Variants in ZNF804A observed in about 807,000 individuals in gnomAD.
ZNF804A encodes zinc finger protein 804A.
In ZNF804A, 2 loss-of-function variants were observed where a neutral mutation model predicts 16.5. The ratio of observed to expected loss-of-function variants is 0.12; its 90% CI spans 0.05 to 0.38. The LOEUF (loss-of-function observed/expected upper bound fraction) is 0.38, where lower values mean the gene tolerates loss of function less well. Among genes scored for constraint, ZNF804A ranks in the 10% least tolerant of loss-of-function variants. The pLI is 0.99. For missense variants in ZNF804A, 1,473 were observed against 1,390.7 expected (o/e 1.06, Z -0.94); for synonymous variants, 534 against 489.6 (o/e 1.09, Z -1.20).
At chr2:184,631,280 C>A (rs1028898422) in intron 1 of ZNF804A, among the ~76,000 whole-genome samples, 1 of 152,030 alleles carries the variant, frequency 6.6e-6, no homozygotes, top group Non-Finnish European at 1.5e-5. Context: ...ACTCTGCTGT[C>A]CCCCAGCAAA....
intron 1 of ZNF804A, among the ~76,000 whole-genome samples, chr2:184,681,874 G>C (rs1259734775): frequency 1.3e-5 from 2 of 152,232 alleles, no homozygotes; most frequent in Admixed American, 6.5e-5. Context: ...TGCCCTCACA[G>C]GCTCCAAAGT....
intron 1 of ZNF804A, among the ~76,000 whole-genome samples, chr2:184,754,719 TTCTC>T (rs995529382): frequency 6.6e-6 from 1 of 151,938 alleles, no homozygotes; most frequent in African/African-American, 2.4e-5. Context: ...ATATTTTTCT[TTCTC>T]TAGTACAGTG....
intron 1 of ZNF804A, among the ~76,000 whole-genome samples, chr2:184,617,524 A>G (rs1485326691): frequency 4.0e-5 from 6 of 151,858 alleles, no homozygotes; most frequent in Non-Finnish European, 8.8e-5. Flanking sequence ...CGAAGATTTA[A>G]CAATTGAGAG....
intron 1 of ZNF804A, among the ~76,000 whole-genome samples, chr2:184,849,684 C>T (rs1695573070): frequency 6.6e-6 from 1 of 151,928 alleles, no homozygotes; most frequent in Admixed American, 6.6e-5. Context: ...TGAAGTGCTT[C>T]ATAAAGCTAA....
At chr2:184,782,347 T>G (rs939797893) in intron 1 of ZNF804A, among the ~76,000 whole-genome samples, 7 of 151,374 alleles carry the variant, frequency 4.6e-5, no homozygotes, top group African/African-American at 1.7e-4. Context: ...AGATTTGAGT[T>G]AGTGAGCTGG....
At chr2:184,912,632 A>T (rs1685381600) in intron 2 of ZNF804A, among the ~76,000 whole-genome samples, 3 of 151,992 alleles carry the variant, frequency 2.0e-5, no homozygotes, top group African/African-American at 7.2e-5. Flanking sequence ...ATTCTTTTTT[A>T]AAATTAACAA....
At chr2:184,637,792 G>A (rs1382693101) in intron 1 of ZNF804A, among the ~76,000 whole-genome samples, 5 of 151,930 alleles carry the variant, frequency 3.3e-5, no homozygotes, top group African/African-American at 1.2e-4. Flanking sequence ...ATGTTTTTCT[G>A]GGCCACTGTA....
chr2:184,782,275 G>A (rs1694382121), intron 1 of ZNF804A, among the ~76,000 whole-genome samples: 1 of 151,476 alleles, frequency 6.6e-6, no homozygotes, highest in Admixed American at 6.6e-5. Flanking sequence ...AACTTGATTG[G>A]ATTGAAGGGT....
chr2:184,879,507 ACAAGG>A (rs1314220887), intron 2 of ZNF804A, among the ~76,000 whole-genome samples: 1 of 152,048 alleles, frequency 6.6e-6, no homozygotes, highest in African/African-American at 2.4e-5. Flanking sequence ...AACAAACTGA[ACAAGG>A]CAATTGTGTT....
At chr2:184,922,187 A>C (rs1685538666) in intron 2 of ZNF804A, among the ~76,000 whole-genome samples, 1 of 152,064 alleles carries the variant, frequency 6.6e-6, no homozygotes. Context: ...ACTGTTCTCC[A>C]GAGTGGTTGT....
chr2:184,639,729 G>A (rs1691761426), intron 1 of ZNF804A, among the ~76,000 whole-genome samples: 1 of 152,096 alleles, frequency 6.6e-6, no homozygotes, highest in Non-Finnish European at 1.5e-5. Flanking sequence ...AGGGCCGGGC[G>A]CGGTGGCTCA....
chr2:184,718,768 T>C (rs535376643), intron 1 of ZNF804A, among the ~76,000 whole-genome samples: 13 of 152,284 alleles, frequency 8.5e-5, no homozygotes, highest in Admixed American at 4.6e-4. Context: ...TTGCAAGGTA[T>C]AGCCTCCCTC....
At chr2:184,834,100 T>C (rs1391719134) in intron 1 of ZNF804A, among the ~76,000 whole-genome samples, 1 of 152,086 alleles carries the variant, frequency 6.6e-6, no homozygotes, top group African/African-American at 2.4e-5. Context: ...TAAAATCCTT[T>C]CCTCATTTAG....
At chr2:184,906,530 G>T (rs1467509886) in intron 2 of ZNF804A, among the ~76,000 whole-genome samples, 2 of 151,908 alleles carry the variant, frequency 1.3e-5, no homozygotes, top group East Asian at 3.9e-4. Context: ...CAAACTACTG[G>T]GCTGAAGAGA....
At chr2:184,601,097 G>A (rs906411741) in intron 1 of ZNF804A, among the ~76,000 whole-genome samples, 2 of 152,000 alleles carry the variant, frequency 1.3e-5, no homozygotes, top group Non-Finnish European at 2.9e-5. Flanking sequence ...TATTTCCTGT[G>A]TATGAGATTT....
chr2:184,875,677 C>T (rs1329208452), intron 2 of ZNF804A, among the ~76,000 whole-genome samples: 2 of 150,670 alleles, frequency 1.3e-5, no homozygotes, highest in Non-Finnish European at 1.5e-5. Flanking sequence ...TTCTCAATTT[C>T]AAACTTTCTA....
intron 2 of ZNF804A, among the ~76,000 whole-genome samples, chr2:184,872,417 G>T (rs576762425): frequency 1.1e-4 from 17 of 152,178 alleles, no homozygotes; most frequent in African/African-American, 4.1e-4. Context: ...TCCTATGATG[G>T]TCTAATGAGA....
In ZNF804A at chr2:184,938,446, T is replaced by C. The variant is rs1435594301; in HGVS notation, c.3050T>C (p.Phe1017Ser). 1.2e-6 allele frequency: 2 copies of C among 1,613,944 alleles called. No homozygotes were observed. Among genetic ancestry groups the C allele is most frequent in the African/African-American group, 2.7e-5 (2 of 74,906 alleles). ...FKEAHVSGHT[F>S]VTAEQILAPL... ...GAAGCACATGTCAGTGGTCATACTT[T>C]TGTAACAGCTGAGCAAATCCTGGCT... The change falls in exon 4 of 4, where the codon TTT becomes TCT. Residue 1017 changes from phenylalanine to serine, a missense_variant. By Grantham distance (155) the Phe-to-Ser change is radical. Transcript: ENST00000302277.
intron 1 of ZNF804A, among the ~76,000 whole-genome samples, chr2:184,710,641 T>C (rs571010417): frequency 6.6e-6 from 1 of 151,920 alleles, no homozygotes; most frequent in South Asian, 2.1e-4. Flanking sequence ...ACTGAAACTT[T>C]ATACCCTTTG....
Sources: allele counts gnomAD v4.1 joint callset (sites outside exome capture counted in the v4.1 genomes callset), GRCh38; gene constraint gnomAD v4.1.1; transcripts MANE v1.5; gene names NCBI Gene and HGNC (gene_info 2026-07-23, HGNC 2026-07-21).